The following FABP3 variants were observed in gnomAD, a reference collection of about 807,000 sequenced individuals.
The protein encoded by FABP3 is fatty acid binding protein 3, also known as fatty acid-binding protein, heart.
A neutral mutation model predicts 13.4 loss-of-function variants in FABP3; 8 were observed. That is an observed-to-expected ratio of 0.60 (90% confidence interval 0.35 to 1.07). The LOEUF (loss-of-function observed/expected upper bound fraction) is 1.07. Ranked by LOEUF, FABP3 falls within the 50% of genes least tolerant of loss-of-function variation. The probability of loss-of-function intolerance (pLI) is 0.02; values close to 1 mark genes in which losing one functional copy is unlikely to be tolerated. For missense variants in FABP3, 135 were observed against 164.7 expected (o/e 0.82, Z 0.99); for synonymous variants, 64 against 60.0 (o/e 1.07, Z -0.31).
Position 31,369,703 on chromosome 1 carries a change from G to A in FABP3, c.74-146C>T. ...CTTTGCATGGGAATTTTAAAATTCAGTCTTGCGCTTAGTTCTGTTTGGTGA... is the reference window on the plus strand; with the variant it reads ...CTTTGCATGGGAATTTTAAAATTCAATCTTGCGCTTAGTTCTGTTTGGTGA... On this transcript the variant is annotated intron_variant, in intron 1 of 3. Transcript: ENST00000373713. The A allele has an allele frequency of 4.1e-6, 3 of 728,750 alleles. 1 individual carries two copies. In the South Asian group the frequency reaches 5.6e-5, roughly 14 times the overall value. 45.1% of individuals were successfully genotyped at this position (728,750 alleles called of 1,614,324 possible). A position where few individuals can be genotyped will look rare whatever the true frequency, so the allele number is the denominator to read the frequency against.
downstream of FABP3, chr1:31,364,006 G>A: frequency 6.2e-7 from 1 of 1,607,674 alleles, no homozygotes; most frequent in African/African-American, 1.3e-5. Flanking sequence ...CACATACAGT[G>A]TTGATTTTTA....
At chr1:31,360,273 G>A (rs112525915), downstream of FABP3, among the ~76,000 whole-genome samples, 14,071 of 148,444 alleles carry the variant, frequency 0.095, 2,207 homozygotes, top group African/African-American at 0.33. Context: ...ACGCTCAAGC[G>A]ATTCTCCTGC....
In FABP3 at chr1:31,369,435, T is replaced by G. The variant is rs750714301; in HGVS notation, c.196A>C (p.Lys66Gln). ...STFKNTEISF[K>Q]LGVEFDETTA... is the part of the protein sequence containing the mutation. ...GTCTCATCGAACTCCACCCCCAACT[T>G]AAAGCTGATCTCTGTGTTCTTGAAG... Residue 66 changes from lysine to glutamine, a missense_variant, in exon 2 of 4, where the codon AAG becomes CAG. Lys to Gln is a moderately conservative substitution (Grantham distance 53). Coordinates refer to ENST00000373713, the MANE Select transcript of FABP3 (RefSeq NM_004102.5). 6 of 1,613,986 alleles carry G rather than the reference T, an allele frequency of 3.7e-6. No individual in the cohort carries two copies. The highest frequency in any genetic ancestry group is 1.7e-5 in the Admixed American group (1 of 59,994).
At chr1:31,359,671 G>A in the FABP3 span, among the ~76,000 whole-genome samples, 4 of 152,080 alleles carry the variant, frequency 2.6e-5, no homozygotes, top group Admixed American at 2.6e-4. Context: ...AGTGAAAATG[G>A]GTAGACTAGC....
At chr1:31,368,432 A>G (rs538721093) in intron 2 of FABP3, among the ~76,000 whole-genome samples, 16 of 152,248 alleles carry the variant, frequency 1.1e-4, no homozygotes, top group Non-Finnish European at 7.4e-5. Context: ...TTGAGAAAGT[A>G]GGCAAGTCCA....
In FABP3 at chr1:31,372,926, C is replaced by T. The variant is rs779782258; in HGVS notation, c.73+16G>A. On this transcript the variant is annotated intron_variant, in intron 1 of 3. Coordinates refer to ENST00000373713, the MANE Select transcript of FABP3 (RefSeq NM_004102.5). Reference sequence around the variant, plus strand: ...CAGTCCCCAAGCCAACATCCTGAGCCCCGCGGCTTGCTCACCGAGTGACTT... The same window carrying T: ...CAGTCCCCAAGCCAACATCCTGAGCTCCGCGGCTTGCTCACCGAGTGACTT... The T allele has an allele frequency of 2.5e-6, 4 of 1,611,722 alleles. No homozygotes were observed. Among genetic ancestry groups the T allele is most frequent in the Non-Finnish European group, 3.4e-6 (4 of 1,179,602 alleles).
Position 31,365,679 on chromosome 1 carries a change from C to G in FABP3, c.*207G>C. 1 of 518,362 alleles carries G rather than the reference C, an allele frequency of 1.9e-6. No individual in the cohort carries two copies. The highest frequency in any genetic ancestry group is 2.2e-5 in the South Asian group (1 of 45,116). The allele number at this position is 518,362 out of a possible 1,614,324, so 32.1% of individuals were successfully genotyped here. The stretch of plus-strand genomic sequence containing the variant: ...GGTGGCCTTGGCTCTGCTTTATTGA[C>G]CTCAGAGCACCCTATGAGTGCAGTT... On this transcript the variant is annotated 3_prime_UTR_variant, in exon 4 of 4. Coordinates refer to ENST00000373713, the MANE Select transcript of FABP3 (RefSeq NM_004102.5).
intron 3 of FABP3, among the ~76,000 whole-genome samples, chr1:31,366,396 G>A (rs1640113926): frequency 6.6e-6 from 1 of 152,088 alleles, no homozygotes; most frequent in Non-Finnish European, 1.5e-5. Context: ...CCAGAGCCCT[G>A]TACCTCCCAC....
intron 3 of FABP3, 119 bp from the exon 4 acceptor site, chr1:31,366,058 ATGTATGTGTGTG>A (rs1231506728): frequency 4.1e-5 from 29 of 704,058 alleles, no homozygotes; most frequent in South Asian, 1.4e-4. Flanking sequence ...GGCTATATGT[ATGTATGTGTGTG>A]TGTGTGTGTG....
chr1:31,363,419 G>A (rs1231157389), downstream of FABP3, among the ~76,000 whole-genome samples: 4 of 152,038 alleles, frequency 2.6e-5, no homozygotes, highest in African/African-American at 9.7e-5. Flanking sequence ...TCCTGACCTC[G>A]TGATCCACCT....
intron 1 of FABP3, among the ~76,000 whole-genome samples, chr1:31,372,281 C>A (rs547936057): frequency 7.9e-5 from 12 of 152,254 alleles, no homozygotes; most frequent in African/African-American, 2.9e-4. Flanking sequence ...GATCATGGGC[C>A]TCTTGCCCCA....
At chr1:31,361,212 T>C (rs1362045905), downstream of FABP3, among the ~76,000 whole-genome samples, 1 of 152,224 alleles carries the variant, frequency 6.6e-6, no homozygotes, top group Non-Finnish European at 1.5e-5. Context: ...CTGAGAAGCT[T>C]TGTTGCCTTC....
intron 3 of FABP3, 48 bp from the exon 4 acceptor site, chr1:31,365,987 T>C (rs747004314): frequency 8.4e-6 from 13 of 1,549,520 alleles, no homozygotes; most frequent in Middle Eastern, 1.7e-4. Context: ...AGGAACACCA[T>C]TGCGAGCATT....
chr1:31,371,626 A>G (rs1033749786), intron 1 of FABP3, among the ~76,000 whole-genome samples: 1 of 152,222 alleles, frequency 6.6e-6, no homozygotes, highest in Non-Finnish European at 1.5e-5. Flanking sequence ...ATAAGGGAAC[A>G]AGAATGGTAA....
rs17848124 is a variant in FABP3, at chr1:31,373,007, T to C, written c.8A>G (p.Asp3Gly). 419 of 1,613,988 alleles carry C rather than the reference T, an allele frequency of 2.6e-4. 2 individuals carry two copies. The East Asian group carries it at 8.7e-3, about 34-fold the overall frequency. Residue 3 changes from aspartate to glycine, a missense_variant, in exon 1 of 4, where the codon GAC becomes GGC. Transcript: ENST00000373713. ...TAGCTTCCAGGTGCCCAGGAAAGCGTCCACCATAGTGATGCTGGGCTAGGC... is the reference window on the plus strand; with the variant it reads ...TAGCTTCCAGGTGCCCAGGAAAGCGCCCACCATAGTGATGCTGGGCTAGGC... The part of the protein sequence containing the change: MV[D>G]AFLGTWKLVD...
intron 3 of FABP3, 143 bp from the exon 4 acceptor site, chr1:31,366,082 G>A: frequency 1.6e-6 from 1 of 621,644 alleles, no homozygotes; most frequent in South Asian, 1.9e-5. Flanking sequence ...GTGTGTGTGT[G>A]TGTGTGTGTG....
chr1:31,369,146 C>G (rs1640161165), intron 2 of FABP3: 2 of 508,874 alleles, frequency 3.9e-6, no homozygotes, highest in Admixed American at 6.5e-5. Context: ...GCTGCCCATT[C>G]CGAGGCAGAC....
chr1:31,372,407 A>T (rs1640224077), intron 1 of FABP3, among the ~76,000 whole-genome samples: 1 of 152,144 alleles, frequency 6.6e-6, no homozygotes, highest in African/African-American at 2.4e-5. Context: ...TCCCTAACCA[A>T]GCAGAGATGG....
At chr1:31,364,381 AGTT>A (rs1195039035), downstream of FABP3, 2 of 1,047,094 alleles carry the variant, frequency 1.9e-6, no homozygotes, top group East Asian at 2.6e-5. Context: ...TGCCTGAATG[AGTT>A]GTTGTTTCCT....
Sources: allele counts gnomAD v4.1 joint callset (sites outside exome capture counted in the v4.1 genomes callset), GRCh38; gene constraint gnomAD v4.1.1; transcripts MANE v1.5; gene names NCBI Gene and HGNC (gene_info 2026-07-23, HGNC 2026-07-21).